The following ICA1 variants were observed in gnomAD, a reference collection of about 807,000 sequenced individuals.
The protein encoded by ICA1 is 69 kDa islet cell autoantigen.
In ICA1, 40 loss-of-function variants were observed where a neutral mutation model predicts 71.0. The observed-to-expected ratio is 0.56, with a 90% CI of 0.44 to 0.73. The LOEUF is 0.73. Ranked by LOEUF, ICA1 falls within the 30% of genes least tolerant of loss-of-function variation. ICA1 has a pLI of 0.00. For missense variants in ICA1, 578 were observed against 576.5 expected (o/e 1.00, Z -0.03); for synonymous variants, 207 against 209.5 (o/e 0.99, Z 0.10).
intron 6 of ICA1, among the ~76,000 whole-genome samples, chr7:8,213,863 T>C (rs545311115): frequency 2.7e-5 from 4 of 146,982 alleles, no homozygotes; most frequent in African/African-American, 1.0e-4. Flanking sequence ...TTTGATAATA[T>C]GATTAGTGCA....
At chr7:8,193,552 G>C (rs968238625) in intron 6 of ICA1, among the ~76,000 whole-genome samples, 6 of 152,136 alleles carry the variant, frequency 3.9e-5, no homozygotes, top group African/African-American at 1.4e-4. Context: ...AAATCAAAGA[G>C]GTCAATATAT....
At chr7:8,181,184 G>C (rs146653502) in intron 6 of ICA1, among the ~76,000 whole-genome samples, 5 of 151,964 alleles carry the variant, frequency 3.3e-5, no homozygotes. Flanking sequence ...TCGGGTTCCT[G>C]GTATTCTGTA....
At chr7:8,162,051 G>C (rs1220466331) in intron 6 of ICA1, among the ~76,000 whole-genome samples, 1 of 152,156 alleles carries the variant, frequency 6.6e-6, no homozygotes, top group Non-Finnish European at 1.5e-5. Context: ...GGAACCTCTA[G>C]ATTTTCTAAC....
chr7:8,148,524 T>A (rs2128148959), intron 8 of ICA1, among the ~76,000 whole-genome samples: 1 of 152,318 alleles, frequency 6.6e-6, no homozygotes, highest in African/African-American at 2.4e-5. Context: ...AATTGTTACA[T>A]CGTAAGAACT....
chr7:8,210,969 ACAGT>A (rs1793589512), intron 6 of ICA1, among the ~76,000 whole-genome samples: 2 of 152,058 alleles, frequency 1.3e-5, no homozygotes. Context: ...GACTCCTGAG[ACAGT>A]CAGGCACTTT....
In ICA1 at chr7:8,158,682, AC is replaced by A. The variant is rs773234246; in HGVS notation, c.580-31del. 3 of 1,611,396 alleles carry A rather than the reference AC, an allele frequency of 1.9e-6. No individual in the cohort carries two copies. The South Asian group carries it at 3.3e-5, about 18-fold the overall frequency. The stretch of plus-strand genomic sequence containing the variant: ...GAAAATAAAGAGGAATTTCTGAATC[AC>A]CCTAACCCTTAAGTAGGTAAAATTT... On this transcript the variant is annotated intron_variant, in intron 6 of 13. Coordinates refer to ENST00000402384, the MANE Select transcript of ICA1 (RefSeq NM_001136020.3).
intron 2 of ICA1, 98 bp downstream of exon 2, chr7:8,235,811 GC>G: frequency 8.1e-7 from 1 of 1,236,094 alleles, no homozygotes; most frequent in South Asian, 1.2e-5. Flanking sequence ...GATACTTACT[GC>G]CAATGTATCT....
intron 1 of ICA1, among the ~76,000 whole-genome samples, chr7:8,255,642 G>T (rs1809845484): frequency 6.6e-6 from 1 of 152,058 alleles, no homozygotes; most frequent in South Asian, 2.1e-4. Flanking sequence ...TGTTCCACAG[G>T]CACTTCAAAT....
chr7:8,133,198 T>C (rs766856663), intron 12 of ICA1, among the ~76,000 whole-genome samples: 1 of 152,176 alleles, frequency 6.6e-6, no homozygotes, highest in Admixed American at 6.5e-5. Flanking sequence ...CTAAGCCGCC[T>C]TAGGACTCAG....
intron 6 of ICA1, among the ~76,000 whole-genome samples, chr7:8,158,854 T>C (rs1417628708): frequency 1.3e-5 from 2 of 152,242 alleles, no homozygotes; most frequent in Admixed American, 6.5e-5. Flanking sequence ...TATGATTTTA[T>C]AGCACACTTG....
rs1385376949 is a variant in ICA1 at position 8,123,744 on chromosome 7, C to T, written c.1330+4129G>A. On this transcript the variant is annotated intron_variant, in intron 13 of 13. Coordinates refer to ENST00000402384, the MANE Select transcript of ICA1 (RefSeq NM_001136020.3). The surrounding 1 kb of genome is among the most constrained non-coding windows in gnomAD (Gnocchi z 4.1). ...CAGGGTGTCATTACAAGTCCTGCCC[C>T]TCTGACGGCTTCCTAAGAGAGGTCT... Among the ~76,000 whole-genome samples, 1 of 152,200 alleles carries T rather than the reference C, an allele frequency of 6.6e-6. No homozygotes were observed. The highest frequency in any genetic ancestry group is 1.5e-5 in the Non-Finnish European group (1 of 68,020).
At chr7:8,133,259 C>T (rs1792146203) in intron 12 of ICA1, among the ~76,000 whole-genome samples, 1 of 152,070 alleles carries the variant, frequency 6.6e-6, no homozygotes, top group Non-Finnish European at 1.5e-5. Flanking sequence ...CATTTTAGCC[C>T]CTATAACTCT....
intron 6 of ICA1, among the ~76,000 whole-genome samples, chr7:8,190,595 G>C (rs1785275117): frequency 1.3e-5 from 2 of 152,130 alleles, no homozygotes; most frequent in African/African-American, 2.4e-5. Context: ...CAATTCAGAT[G>C]GCTTAGAAAA....
chr7:8,257,926 C>CT (rs1810788601), intron 1 of ICA1, among the ~76,000 whole-genome samples: 1 of 152,202 alleles, frequency 6.6e-6, no homozygotes, highest in Non-Finnish European at 1.5e-5. Flanking sequence ...CTCTCCCTTA[C>CT]TTGTTGACTT....
chr7:8,128,439 T>A (rs1263027010), intron 12 of ICA1, among the ~76,000 whole-genome samples: 1 of 152,214 alleles, frequency 6.6e-6, no homozygotes, highest in Admixed American at 6.5e-5. Flanking sequence ...ATTTCTCAGA[T>A]ATGAAACAAG....
rs1797728202 is a variant in ICA1, at chr7:8,223,560, C to T, written c.257-2162G>A. On this transcript the variant is annotated intron_variant, in intron 4 of 13. Transcript: ENST00000402384. The surrounding 1 kb of genome is among the most constrained non-coding windows in gnomAD (Gnocchi z 4.1). ...GATTTTCTGAGAAGGGATGGTCATT[C>T]TTTAATTTTAAAAATTCAAATACTG... 1 of 154,476 alleles carries T rather than the reference C, an allele frequency of 6.5e-6. No homozygotes were observed. Among genetic ancestry groups the T allele is most frequent in the Non-Finnish European group, 1.5e-5 (1 of 68,030 alleles). 9.6% of individuals were successfully genotyped at this position (154,476 alleles called of 1,614,324 possible). A position where few individuals can be genotyped will look rare whatever the true frequency, so the allele number is the denominator to read the frequency against.
At chr7:8,184,554 A>C (rs1285609820) in intron 6 of ICA1, among the ~76,000 whole-genome samples, 2 of 152,244 alleles carry the variant, frequency 1.3e-5, no homozygotes, top group Non-Finnish European at 2.9e-5. Context: ...TATATAAATC[A>C]CAAGATAGCT....
intron 10 of ICA1, among the ~76,000 whole-genome samples, chr7:8,141,089 G>GT (rs1211781395): frequency 6.6e-6 from 1 of 152,220 alleles, no homozygotes; most frequent in African/African-American, 2.4e-5. Flanking sequence ...GCTTGGTACT[G>GT]TGTCACATTA....
chr7:8,238,229 C>T (rs1297219984), intron 1 of ICA1, among the ~76,000 whole-genome samples: 1 of 152,142 alleles, frequency 6.6e-6, no homozygotes, highest in African/African-American at 2.4e-5. Flanking sequence ...CTATTGTTTT[C>T]CACAGCAGCT....
Sources: allele counts gnomAD v4.1 joint callset (sites outside exome capture counted in the v4.1 genomes callset), GRCh38; gene constraint gnomAD v4.1.1; non-coding constraint Gnocchi (gnomAD v3.1); transcripts MANE v1.5; gene names NCBI Gene and HGNC (gene_info 2026-07-23, HGNC 2026-07-21).